UBE2E2: variants seen among roughly 807,000 people sequenced by gnomAD.
The protein encoded by UBE2E2 is ubiquitin-conjugating enzyme E2 E2.
Under a neutral mutation model 24.7 loss-of-function variants are expected in UBE2E2, and 6 were observed. That is an observed-to-expected ratio of 0.24 (90% CI 0.13 to 0.48). The LOEUF (loss-of-function observed/expected upper bound fraction) is 0.48, where lower values mean the gene tolerates loss of function less well. UBE2E2 is among the 20% of genes least tolerant of loss of function. The pLI is 0.99. For synonymous variants in UBE2E2, 104 were observed against 83.6 expected, an observed-to-expected ratio of 1.24 and a Z score of -1.33; for missense variants, 169 against 245.0, an observed-to-expected ratio of 0.69 and a Z score of 2.07.
chr3:23,533,619 A>ATTTTTTTTTT (rs759984741), intron 5 of UBE2E2, among the ~76,000 whole-genome samples: 3 of 108,506 alleles, frequency 2.8e-5, no homozygotes, highest in African/African-American at 3.7e-5. Context: ...GCAAATTAGT[A>ATTTTTTTTTT]TTTTTTTTTT....
intron 3 of UBE2E2, among the ~76,000 whole-genome samples, chr3:23,476,202 T>A (rs772051888): frequency 4.1e-4 from 62 of 152,098 alleles, no homozygotes; most frequent in Non-Finnish European, 2.1e-4. Context: ...ACAGTAGGAT[T>A]CATACCTGTC....
intron 4 of UBE2E2, among the ~76,000 whole-genome samples, chr3:23,522,697 T>C (rs1473416379): frequency 6.6e-6 from 1 of 152,240 alleles, no homozygotes; most frequent in East Asian, 1.9e-4. Flanking sequence ...GTATTTGAGA[T>C]GTCATCTGTA....
intron 5 of UBE2E2, among the ~76,000 whole-genome samples, chr3:23,540,594 G>A (rs62256025): frequency 0.21 from 32,032 of 151,964 alleles, 3,597 homozygotes; most frequent in Non-Finnish European, 0.26. Context: ...TAGTAGAGAC[G>A]GGGTTTCACC....
chr3:23,300,837 C>G (rs893375521), intron 3 of UBE2E2, among the ~76,000 whole-genome samples: 1 of 152,120 alleles, frequency 6.6e-6, no homozygotes, highest in South Asian at 2.1e-4. Flanking sequence ...GCCTGCCTTG[C>G]TAGATTGGGG....
At chr3:23,264,727 T>G (rs1001460314) in intron 3 of UBE2E2, among the ~76,000 whole-genome samples, 1 of 152,222 alleles carries the variant, frequency 6.6e-6, no homozygotes, top group Non-Finnish European at 1.5e-5. Flanking sequence ...AATCCTTGGT[T>G]TTGTATATAC....
chr3:23,205,157 G>A (rs1696113427), intron 1 of UBE2E2, among the ~76,000 whole-genome samples: 2 of 152,064 alleles, frequency 1.3e-5, no homozygotes, highest in African/African-American at 4.8e-5. Context: ...TATAGTTTTA[G>A]GAAGGACTAC....
chr3:23,471,951 A>AG (rs1699040107), intron 3 of UBE2E2, among the ~76,000 whole-genome samples: 1 of 151,942 alleles, frequency 6.6e-6, no homozygotes, highest in East Asian at 1.9e-4. Flanking sequence ...TAAAAAAAAA[A>AG]AAAGGAAAAC....
intron 5 of UBE2E2, among the ~76,000 whole-genome samples, chr3:23,577,316 A>G (rs1198949089): frequency 2.0e-5 from 3 of 146,734 alleles, no homozygotes; most frequent in Non-Finnish European, 4.5e-5. Flanking sequence ...ACTTTGATGA[A>G]CACAGGAATG....
At chr3:23,568,340 T>C (rs555834123) in intron 5 of UBE2E2, among the ~76,000 whole-genome samples, 8 of 152,246 alleles carry the variant, frequency 5.3e-5, no homozygotes, top group African/African-American at 1.7e-4. Context: ...CAGTACTAGT[T>C]ACTAGTGGGT....
At chr3:23,449,648 G>A (rs1189666125) in intron 3 of UBE2E2, among the ~76,000 whole-genome samples, 8 of 152,304 alleles carry the variant, frequency 5.3e-5, no homozygotes, top group Non-Finnish European at 2.9e-5. Context: ...TCTTATGACA[G>A]TTCTGGTAAT....
At chr3:23,215,583 G>A (rs1305855860) in intron 2 of UBE2E2, among the ~76,000 whole-genome samples, 1 of 151,908 alleles carries the variant, frequency 6.6e-6, no homozygotes, top group Admixed American at 6.6e-5. Context: ...TGCCCCTTTA[G>A]TAGTCTGTTT....
rs1280286749 is a variant in UBE2E2 at position 23,590,872 on chromosome 3, T to A, written c.*1041T>A. 1 of 152,250 alleles carries A rather than the reference T, an allele frequency of 6.6e-6. No homozygotes were observed. The highest frequency in any genetic ancestry group is 6.5e-5 in the Admixed American group (1 of 15,278). 9.4% of individuals were successfully genotyped at this position (152,250 alleles called of 1,614,324 possible). A position where few individuals can be genotyped will look rare whatever the true frequency, so the allele number is the denominator to read the frequency against. ...TGTAACTCCAAAAATAGCCTTCTTGTGAAAGTGAAGTCTGAGCTAATCATT... is the reference window on the plus strand; with the variant it reads ...TGTAACTCCAAAAATAGCCTTCTTGAGAAAGTGAAGTCTGAGCTAATCATT... On this transcript the variant is annotated 3_prime_UTR_variant, in exon 6 of 6. Coordinates refer to ENST00000396703, the MANE Select transcript of UBE2E2 (RefSeq NM_152653.4).
chr3:23,461,205 A>G (rs1400534642), intron 3 of UBE2E2, among the ~76,000 whole-genome samples: 4 of 152,292 alleles, frequency 2.6e-5, no homozygotes, highest in African/African-American at 7.2e-5. Context: ...CGGTGACCTC[A>G]TATAGATGTA....
Position 23,589,857 on chromosome 3 carries a change from G to T in UBE2E2, c.*26G>T. On this transcript the variant is annotated 3_prime_UTR_variant, in exon 6 of 6. Coordinates refer to ENST00000396703, the MANE Select transcript of UBE2E2 (RefSeq NM_152653.4). This position sits in a 1 kb window ranked among gnomAD's most constrained non-coding sequence, Gnocchi z 4.1. Reference sequence around the variant, plus strand: ...GGGCCTGCTGCCTGCCGCCCCGCGGGACCTGTGCAAGCACATTCACCAAGT... The same window carrying T: ...GGGCCTGCTGCCTGCCGCCCCGCGGTACCTGTGCAAGCACATTCACCAAGT... 6.2e-7 allele frequency: 1 copy of T among 1,612,628 alleles called. No homozygotes were observed. Among genetic ancestry groups the T allele is most frequent in the Non-Finnish European group, 8.5e-7 (1 of 1,178,814 alleles).
At chr3:23,491,829 G>A (rs553351276) in intron 3 of UBE2E2, among the ~76,000 whole-genome samples, 2 of 152,300 alleles carry the variant, frequency 1.3e-5, no homozygotes, top group East Asian at 1.9e-4. Context: ...ACTGGAGGCA[G>A]GGAAACCATG....
chr3:23,468,801 T>A (rs1384469727), intron 3 of UBE2E2, among the ~76,000 whole-genome samples: 1 of 152,236 alleles, frequency 6.6e-6, no homozygotes, highest in East Asian at 1.9e-4. Flanking sequence ...ATGCATCTCT[T>A]GATTTCCCTC....
chr3:23,402,890 G>T (rs570369136), intron 3 of UBE2E2, among the ~76,000 whole-genome samples: 7 of 152,244 alleles, frequency 4.6e-5, no homozygotes, highest in African/African-American at 1.7e-4. Context: ...CAGAGATGTG[G>T]TTGAGTCCCA....
intron 3 of UBE2E2, among the ~76,000 whole-genome samples, chr3:23,253,876 T>TA (rs1312293061): frequency 6.6e-5 from 10 of 152,204 alleles, no homozygotes; most frequent in Admixed American, 3.3e-4. Flanking sequence ...TAGAAAAAGA[T>TA]AATTTATAAT....
intron 5 of UBE2E2, among the ~76,000 whole-genome samples, chr3:23,582,902 T>TATGTTGTG: frequency 7.2e-6 from 1 of 139,258 alleles, no homozygotes; most frequent in Non-Finnish European, 1.6e-5. Flanking sequence ...TGTTGTGTGT[T>TATGTTGTG]TGTTTGCTGT....
Sources: allele counts gnomAD v4.1 joint callset (sites outside exome capture counted in the v4.1 genomes callset), GRCh38; gene constraint gnomAD v4.1.1; non-coding constraint Gnocchi (gnomAD v3.1); transcripts MANE v1.5; gene names NCBI Gene and HGNC (gene_info 2026-07-23, HGNC 2026-07-21).